The following ACTR3 variants were observed in gnomAD, a reference collection of about 807,000 sequenced individuals.
ACTR3 encodes the protein actin related protein 3.
A neutral mutation model predicts 56.8 loss-of-function variants in ACTR3; 12 were observed. The ratio of observed to expected loss-of-function variants is 0.21; its 90% CI spans 0.14 to 0.34. The LOEUF is 0.34. ACTR3 is among the 10% of genes least tolerant of loss of function. ACTR3 has a pLI of 1.00. For missense variants in ACTR3, 282 were observed against 512.5 expected (o/e 0.55, Z 4.34); for synonymous variants, 162 against 167.4 (o/e 0.97, Z 0.25).
Position 113,931,472 on chromosome 2 carries a change from T to TTC in ACTR3, c.432+77_432+78insCT, listed in dbSNP as rs1679722828. On this transcript the variant is annotated intron_variant, in intron 5 of 11. Transcript: ENST00000263238. ...TAATTTGCTGCCTAAAATACGTACTTTTTTTTTTTTTCTGCAAAGGTTTAA... is the reference window on the plus strand; with the variant it reads ...TAATTTGCTGCCTAAAATACGTACTTTCTTTTTTTTTTTCTGCAAAGGTTTAA... 4 of 817,978 alleles carry TTC rather than the reference T, an allele frequency of 4.9e-6. No homozygotes were observed. In the South Asian group the frequency reaches 7.7e-5, roughly 16 times the overall value. The allele number at this position is 817,978 out of a possible 1,614,324, so 50.7% of individuals were successfully genotyped here.
At chr2:113,922,161 CTGTTCAT>C (rs1679523414) in intron 3 of ACTR3, among the ~76,000 whole-genome samples, 1 of 152,008 alleles carries the variant, frequency 6.6e-6, no homozygotes, top group Non-Finnish European at 1.5e-5. Context: ...AGTAAGAGTA[CTGTTCAT>C]TGAGTTTCAA....
At position 113,925,954 on chromosome 2, in the gene ACTR3, C is replaced by T. The variant is rs546911530; in HGVS notation, c.226-1391C>T. On this transcript the variant is annotated intron_variant, in intron 3 of 11. Coordinates refer to ENST00000263238, the MANE Select transcript of ACTR3 (RefSeq NM_005721.5). ...CTCAGTGCCGTTAGGGTCTCAGTAA[C>T]GTTTTTCACTGTGCCACCTAGATCG... is the stretch of plus-strand genomic sequence containing the variant. Among the ~76,000 whole-genome samples the T allele has an allele frequency of 7.2e-5, 11 of 152,228 alleles. No individual in the cohort carries two copies. In the South Asian group the frequency reaches 1.9e-3, roughly 26 times the overall value.
Position 113,890,462 on chromosome 2 carries a change from G to A in ACTR3, c.44+139G>A, listed in dbSNP as rs576777171. 85 of 1,277,258 alleles carry A rather than the reference G, an allele frequency of 6.7e-5. No individual in the cohort carries two copies. In the African/African-American group the frequency reaches 1.2e-3, roughly 18 times the overall value. The allele number at this position is 1,277,258 out of a possible 1,614,324, so 79.1% of individuals were successfully genotyped here. ...GTCCTAGACCCGCCGGCCAGCGAGG[G>A]GTGGGGCCCGCAGCCAGGGCCTCGC... On this transcript the variant is annotated intron_variant, in intron 1 of 11. Coordinates refer to ENST00000263238, the MANE Select transcript of ACTR3 (RefSeq NM_005721.5).
Position 113,962,427 on chromosome 2 carries a change from TC to T in ACTR3, c.*4975del, listed in dbSNP as rs1312342181. 6.6e-6 allele frequency: 1 copy of T among 152,046 alleles called. No homozygotes were observed. Among genetic ancestry groups the T allele is most frequent in the African/African-American group, 2.4e-5 (1 of 41,440 alleles). 9.4% of individuals were successfully genotyped at this position (152,046 alleles called of 1,614,324 possible). A position where few individuals can be genotyped will look rare whatever the true frequency, so the allele number is the denominator to read the frequency against. ...TTGATCAATTTTGATATTGTCCAGATCCCATGTTAAACCACTTGATTTAGAG... is the reference window on the plus strand; with the variant it reads ...TTGATCAATTTTGATATTGTCCAGATCCATGTTAAACCACTTGATTTAGAG... On this transcript the variant is annotated 3_prime_UTR_variant, in exon 12 of 12. Coordinates refer to ENST00000263238, the MANE Select transcript of ACTR3 (RefSeq NM_005721.5).
intron 1 of ACTR3, among the ~76,000 whole-genome samples, chr2:113,892,990 A>G (rs1445310717): frequency 1.3e-5 from 2 of 152,226 alleles, no homozygotes; most frequent in African/African-American, 4.8e-5. Flanking sequence ...CTTATTTTGA[A>G]AAGAATTTGA....
intron 8 of ACTR3, 81 bp from the exon 9 acceptor site, chr2:113,951,398 C>G: frequency 1.0e-6 from 1 of 959,088 alleles, no homozygotes; most frequent in Middle Eastern, 2.4e-4. Flanking sequence ...TGTTTTTGAA[C>G]TGAAAACTTT....
chr2:113,957,226 G>T, intron 11 of ACTR3, 134 bp from the exon 12 acceptor site: 1 of 576,242 alleles, frequency 1.7e-6, no homozygotes, highest in Non-Finnish European at 3.0e-6. Context: ...AAGCTTTCAT[G>T]CCATGAATGG....
intron 2 of ACTR3, among the ~76,000 whole-genome samples, chr2:113,915,835 G>T (rs970329616): frequency 2.6e-5 from 4 of 152,088 alleles, no homozygotes; most frequent in African/African-American, 4.8e-5. Flanking sequence ...TTTGATTTTT[G>T]AGTGTTTTTT....
At chr2:113,933,473 A>G (rs1350547407) in intron 5 of ACTR3, among the ~76,000 whole-genome samples, 7 of 152,140 alleles carry the variant, frequency 4.6e-5, no homozygotes, top group Non-Finnish European at 5.9e-5. Flanking sequence ...GTGCCACTGC[A>G]TTCCAGCCTG....
intron 10 of ACTR3, chr2:113,954,207 C>T (rs1680169671): frequency 1.3e-5 from 2 of 152,150 alleles, no homozygotes; most frequent in Non-Finnish European, 2.9e-5. Context: ...GAAGTTGTGT[C>T]TGCCAGGTTT....
chr2:113,951,198 A>T (rs1050798897), intron 8 of ACTR3: 22 of 259,308 alleles, frequency 8.5e-5, no homozygotes, highest in African/African-American at 4.4e-4. Context: ...GTATACTCTC[A>T]CAGCGTTATA....
chr2:113,895,826 A>G (rs1318087234), intron 1 of ACTR3, among the ~76,000 whole-genome samples: 1 of 152,096 alleles, frequency 6.6e-6, no homozygotes, highest in Non-Finnish European at 1.5e-5. Flanking sequence ...ATTTCTTCCC[A>G]TCTGTAATTT....
chr2:113,952,199 G>GTCC (rs1272555267), intron 10 of ACTR3: 1 of 183,390 alleles, frequency 5.5e-6, no homozygotes, highest in African/African-American at 2.4e-5. Flanking sequence ...GCAAAGCTGA[G>GTCC]TTGAGATTGA....
At chr2:113,914,502 T>C (rs909126062) in intron 2 of ACTR3, among the ~76,000 whole-genome samples, 4 of 150,484 alleles carry the variant, frequency 2.7e-5, no homozygotes, top group Non-Finnish European at 5.9e-5. Context: ...TCCCAGCTGC[T>C]CAGGAGGCTG....
chr2:113,936,421 G>A (rs1559481564), intron 6 of ACTR3, among the ~76,000 whole-genome samples: 1 of 147,884 alleles, frequency 6.8e-6, no homozygotes. Flanking sequence ...TCTCTTTATT[G>A]ACTTATTAGC....
chr2:113,915,140 C>T (rs558724945), intron 2 of ACTR3, among the ~76,000 whole-genome samples: 1 of 152,296 alleles, frequency 6.6e-6, no homozygotes, highest in South Asian at 2.1e-4. Flanking sequence ...TTACTGGTTT[C>T]TTTAAGCTAC....
intron 3 of ACTR3, among the ~76,000 whole-genome samples, chr2:113,917,801 A>G (rs753793365): frequency 1.3e-5 from 2 of 152,214 alleles, no homozygotes; most frequent in Non-Finnish European, 2.9e-5. Context: ...ATGTGGTGGA[A>G]AGGAAGACAT....
chr2:113,918,017 A>G lies in ACTR3; in HGVS notation c.225+1009A>G, dbSNP rs543632802. Among the ~76,000 whole-genome samples, 5 of 152,332 alleles carry G rather than the reference A, an allele frequency of 3.3e-5. No individual in the cohort carries two copies. In the South Asian group the frequency reaches 6.2e-4, roughly 19 times the overall value. ...TGAGTTGTTTTAGGTAGAGAAACCA[A>G]TATATGAAAAGGCTTTACAGTATGA... On this transcript the variant is annotated intron_variant, in intron 3 of 11. Transcript: ENST00000263238.
At chr2:113,891,678 C>A (rs1196642495) in intron 1 of ACTR3, among the ~76,000 whole-genome samples, 2 of 150,876 alleles carry the variant, frequency 1.3e-5, no homozygotes, top group African/African-American at 4.9e-5. Context: ...GATTGTGTGT[C>A]CTTCACTCTT....
Sources: allele counts gnomAD v4.1 joint callset (sites outside exome capture counted in the v4.1 genomes callset), GRCh38; gene constraint gnomAD v4.1.1; transcripts MANE v1.5; gene names NCBI Gene and HGNC (gene_info 2026-07-23, HGNC 2026-07-21).